The following FAM163B variants were observed in gnomAD, a reference collection of about 807,000 sequenced individuals.
FAM163B encodes protein FAM163B.
A neutral mutation model predicts 7.6 loss-of-function variants in FAM163B; 4 were observed. The observed-to-expected ratio is 0.52, with a 90% CI of 0.26 to 1.20. FAM163B has a LOEUF of 1.20. Ranked by LOEUF, FAM163B falls within the 50% of genes most tolerant of loss-of-function variation. The pLI is 0.14. For missense variants in FAM163B, 250 were observed against 243.0 expected (o/e 1.03, Z -0.19); for synonymous variants, 120 against 111.6 (o/e 1.07, Z -0.47).
Position 133,578,040 on chromosome 9 carries a change from GACCC to G in FAM163B, c.*978_*981del, listed in dbSNP as rs1348388976. Among the ~76,000 whole-genome samples the G allele has an allele frequency of 6.6e-6, 1 of 152,108 alleles. No individual in the cohort carries two copies. Among genetic ancestry groups the G allele is most frequent in the Non-Finnish European group, 1.5e-5 (1 of 68,026 alleles). On this transcript the variant is annotated 3_prime_UTR_variant, in exon 3 of 3. Transcript: ENST00000673969. ...CCTTGGGGATCTCAGTTCCTGTTGA[GACCC>G]ACAGCCTGAAGACCTCTGTCCTCAG...
chr9:133,597,595 C>G (rs1831650320), intron 1 of FAM163B, among the ~76,000 whole-genome samples: 1 of 152,080 alleles, frequency 6.6e-6, no homozygotes, highest in Non-Finnish European at 1.5e-5. Context: ...GAAAAATTTC[C>G]AAATTGGATG....
At chr9:133,591,634 G>C (rs974665848) in intron 1 of FAM163B, among the ~76,000 whole-genome samples, 3 of 152,156 alleles carry the variant, frequency 2.0e-5, no homozygotes, top group African/African-American at 7.2e-5. Context: ...TCGGACTCAG[G>C]GGGGCGGAGA....
chr9:133,582,678 G>C (rs982868954), intron 1 of FAM163B, among the ~76,000 whole-genome samples: 1 of 152,244 alleles, frequency 6.6e-6, no homozygotes, highest in African/African-American at 2.4e-5. Flanking sequence ...GCCCTCTGCT[G>C]CTGTCCTTTC....
At chr9:133,588,710 C>CATACGGAAGGATCTAGT (rs1831490358) in intron 1 of FAM163B, among the ~76,000 whole-genome samples, 3 of 4,286 alleles carry the variant, frequency 7.0e-4, no homozygotes, top group African/African-American at 1.0e-3. Context: ...AGGGATCTAG[C>CATACGGAAGGATCTAGT]ATGCTGCTGA....
intron 1 of FAM163B, among the ~76,000 whole-genome samples, chr9:133,591,365 G>A (rs1281832361): frequency 1.3e-5 from 2 of 152,232 alleles, no homozygotes; most frequent in Non-Finnish European, 2.9e-5. Flanking sequence ...GGCCACCTGG[G>A]TGTCCTGTGG....
In FAM163B at chr9:133,578,740, GTGCCTGAGAGCCCTGGTGCA is replaced by G. The variant is rs1831293742; in HGVS notation, c.*262_*281del. The G allele has an allele frequency of 2.1e-6, 1 of 473,782 alleles. No homozygotes were observed. The highest frequency in any genetic ancestry group is 3.6e-6 in the Non-Finnish European group (1 of 279,480). The allele number at this position is 473,782 out of a possible 1,614,324, so 29.3% of individuals were successfully genotyped here. A position where few individuals can be genotyped will look rare whatever the true frequency, so the allele number is the denominator to read the frequency against. ...ATCATCAGGAGTAACGGTGGCCTCT[GTGCCTGAGAGCCCTGGTGCA>G]TGCCCAGCCGGCTGTATGGTCACCT... On this transcript the variant is annotated 3_prime_UTR_variant, in exon 3 of 3. Transcript: ENST00000673969.
At chr9:133,584,461 C>A (rs1337425158) in intron 1 of FAM163B, among the ~76,000 whole-genome samples, 1 of 152,170 alleles carries the variant, frequency 6.6e-6, no homozygotes, top group African/African-American at 2.4e-5. Context: ...TGCCAGGAAT[C>A]CAGATGATTT....
chr9:133,597,377 A>G (rs1433125256), intron 1 of FAM163B, among the ~76,000 whole-genome samples: 1 of 152,208 alleles, frequency 6.6e-6, no homozygotes, highest in Non-Finnish European at 1.5e-5. Context: ...CTCAGACTAG[A>G]TATTACAGAA....
chr9:133,599,748 CTG>C (rs1186849864), intron 1 of FAM163B, among the ~76,000 whole-genome samples: 1 of 143,758 alleles, frequency 7.0e-6, no homozygotes, highest in Non-Finnish European at 1.5e-5. Flanking sequence ...TGTGTGTGGT[CTG>C]TATGCATGTA....
At position 133,601,300 on chromosome 9, in the gene FAM163B, C is replaced by T. The variant is rs1160163956; in HGVS notation, c.-24+7777G>A. On this transcript the variant is annotated intron_variant, in intron 1 of 2. Coordinates refer to ENST00000673969, the MANE Select transcript of FAM163B (RefSeq NM_001080515.3). This position sits in a 1 kb window ranked among gnomAD's most constrained non-coding sequence, Gnocchi z 4.1. The stretch of plus-strand genomic sequence containing the variant: ...CTCTGCTGCCCTGAGCAGTCTTTGA[C>T]CAAGGCTTCAGCAAAGACCCTGCCT... Among the ~76,000 whole-genome samples the T allele has an allele frequency of 2.0e-5, 3 of 152,210 alleles. No individual in the cohort carries two copies. The highest frequency in any genetic ancestry group is 4.4e-5 in the Non-Finnish European group (3 of 68,046).
intron 1 of FAM163B, among the ~76,000 whole-genome samples, chr9:133,595,018 C>T (rs1831610114): frequency 6.6e-6 from 1 of 152,210 alleles, no homozygotes; most frequent in Non-Finnish European, 1.5e-5. Context: ...GGAGCCCTGT[C>T]CCTGCCTTCC....
intron 1 of FAM163B, among the ~76,000 whole-genome samples, chr9:133,602,663 C>T (rs1336598093): frequency 1.3e-5 from 2 of 152,076 alleles, no homozygotes; most frequent in Non-Finnish European, 2.9e-5. Flanking sequence ...TGGGAAGTTC[C>T]ATGAAGGTAA....
Position 133,600,266 on chromosome 9 carries a change from T to A in FAM163B, c.-24+8811A>T, listed in dbSNP as rs886083. ...CATGTGTGTGAGTGTGGTCTGTGTGTGTGTGTGTGTGTGTGTGTGTGTGTG... is the reference window on the plus strand; with the variant it reads ...CATGTGTGTGAGTGTGGTCTGTGTGAGTGTGTGTGTGTGTGTGTGTGTGTG... On this transcript the variant is annotated intron_variant, in intron 1 of 2. Coordinates refer to ENST00000673969, the MANE Select transcript of FAM163B (RefSeq NM_001080515.3). The surrounding 1 kb of genome is among the most constrained non-coding windows in gnomAD (Gnocchi z 4.9). 1.9e-3 allele frequency among the ~76,000 whole-genome samples: 27 copies of A among 14,358 alleles called. 2 individuals carry two copies. Among genetic ancestry groups the A allele is most frequent in the South Asian group, 7.0e-3 (4 of 572 alleles). The allele number at this position is 14,358 out of a possible 152,430, so 9.4% of individuals were successfully genotyped here.
At chr9:133,585,492 G>C (rs1431109248) in intron 1 of FAM163B, among the ~76,000 whole-genome samples, 2 of 152,258 alleles carry the variant, frequency 1.3e-5, no homozygotes, top group African/African-American at 4.8e-5. Flanking sequence ...CCACTGCCTT[G>C]CATGGTACAG....
At chr9:133,604,175 C>T (rs899053887) in intron 1 of FAM163B, among the ~76,000 whole-genome samples, 1 of 152,212 alleles carries the variant, frequency 6.6e-6, no homozygotes, top group African/African-American at 2.4e-5. Flanking sequence ...CATCCCTCAT[C>T]CAACTATGAA....
intron 1 of FAM163B, among the ~76,000 whole-genome samples, chr9:133,608,743 G>A (rs1011415889): frequency 6.6e-5 from 10 of 152,354 alleles, no homozygotes; most frequent in Admixed American, 2.0e-4. Context: ...AGGCGGCCAG[G>A]TTTCCAGAGG....
At chr9:133,582,744 C>T (rs1402488386) in intron 1 of FAM163B, among the ~76,000 whole-genome samples, 1 of 152,230 alleles carries the variant, frequency 6.6e-6, no homozygotes, top group South Asian at 2.1e-4. Flanking sequence ...GCCAGCCGGC[C>T]TCTCTCCTGG....
Position 133,577,732 on chromosome 9 carries a change from C to T in FAM163B, c.*1290G>A, listed in dbSNP as rs1269184319. The stretch of plus-strand genomic sequence containing the variant: ...CAGGCTGCTGAGAGGAAATAATTGC[C>T]TCTTTCTGGGTGAGGAAGAGCTGCC... On this transcript the variant is annotated 3_prime_UTR_variant, in exon 3 of 3. Transcript: ENST00000673969. Among the ~76,000 whole-genome samples, 2 of 152,194 alleles carry T rather than the reference C, an allele frequency of 1.3e-5. No individual in the cohort carries two copies. Among genetic ancestry groups the T allele is most frequent in the Non-Finnish European group, 2.9e-5 (2 of 68,030 alleles).
At chr9:133,583,205 G>A (rs2131220238) in intron 1 of FAM163B, among the ~76,000 whole-genome samples, 1 of 152,284 alleles carries the variant, frequency 6.6e-6, no homozygotes, top group Non-Finnish European at 1.5e-5. Context: ...CATGGCTGAG[G>A]GCCCACTGCT....
Sources: allele counts gnomAD v4.1 joint callset (sites outside exome capture counted in the v4.1 genomes callset), GRCh38; gene constraint gnomAD v4.1.1; non-coding constraint Gnocchi (gnomAD v3.1); transcripts MANE v1.5; gene names NCBI Gene and HGNC (gene_info 2026-07-23, HGNC 2026-07-21).